Variants in ADGRB1 observed in about 807,000 individuals in gnomAD.
ADGRB1 encodes the protein brain-specific angiogenesis inhibitor 1.
In ADGRB1, 36 loss-of-function variants were observed where a neutral mutation model predicts 175.7. The ratio of observed to expected loss-of-function variants is 0.20; its 90% CI spans 0.16 to 0.27. ADGRB1 has a LOEUF of 0.27. ADGRB1 is among the 10% of genes least tolerant of loss of function. The pLI, the probability that ADGRB1 is intolerant of heterozygous loss-of-function variation, is 1.00. For synonymous variants in ADGRB1, 1,054 were observed against 979.4 expected, an observed-to-expected ratio of 1.08 and a Z score of -1.42; for missense variants, 1,731 against 2,255.3, an observed-to-expected ratio of 0.77 and a Z score of 4.71.
In ADGRB1 at chr8:142,464,682, C is replaced by T; in HGVS notation, c.484C>T (p.Pro162Ser). ...CGACGGGCTCCGGCCCCGGGCCGGG[C>T]CGCCGGGCCCCACCGACGACTTCTC... The part of the protein sequence containing the change: ...QHDGLRPRAG[P>S]PGPTDDFSVE... Residue 162 changes from proline to serine, a missense_variant, in exon 2 of 31, where the codon CCG (proline) becomes TCG (serine). Coordinates refer to ENST00000517894, the MANE Select transcript of ADGRB1 (RefSeq NM_001702.3). 2 of 1,525,964 alleles carry T rather than the reference C, an allele frequency of 1.3e-6. No homozygotes were observed. The highest frequency in any genetic ancestry group is 2.0e-5 in the Admixed American group (1 of 49,572). The allele number at this position is 1,525,964 out of a possible 1,614,324, so 94.5% of individuals were successfully genotyped here.
chr8:142,519,287 G>A (rs563405774), intron 19 of ADGRB1, among the ~76,000 whole-genome samples: 1 of 152,300 alleles, frequency 6.6e-6, no homozygotes, highest in East Asian at 1.9e-4. Context: ...GGCCATCCCT[G>A]TGCCCTATGA....
At position 142,511,986 on chromosome 8, in the gene ADGRB1, G is replaced by A. The variant is rs867844531; in HGVS notation, c.2817+913G>A. Reference sequence around the variant, plus strand: ...CATTGCTGGCCCTTGGGGAACCCCGGGTTCGATGTAGAAGGTAGCGCCTAG... The same window carrying A: ...CATTGCTGGCCCTTGGGGAACCCCGAGTTCGATGTAGAAGGTAGCGCCTAG... On this transcript the variant is annotated intron_variant, in intron 18 of 30. Transcript: ENST00000517894. The surrounding 1 kb of genome is among the most constrained non-coding windows in gnomAD (Gnocchi z 4.5). 6.6e-6 allele frequency among the ~76,000 whole-genome samples: 1 copy of A among 152,242 alleles called. No individual in the cohort carries two copies. Among genetic ancestry groups the A allele is most frequent in the South Asian group, 2.1e-4 (1 of 4,832 alleles).
At chr8:142,508,745 C>T (rs924600822) in intron 17 of ADGRB1, among the ~76,000 whole-genome samples, 2 of 152,244 alleles carry the variant, frequency 1.3e-5, no homozygotes, top group African/African-American at 2.4e-5. Flanking sequence ...TGAGCCTGAC[C>T]GTGCTGCAGG....
At position 142,479,685 on chromosome 8, in the gene ADGRB1, C is replaced by T; in HGVS notation, c.1727-8C>T. The T allele has an allele frequency of 6.2e-7, 1 of 1,612,244 alleles. No homozygotes were observed. The highest frequency in any genetic ancestry group is 8.5e-7 in the Non-Finnish European group (1 of 1,179,038). The stretch of plus-strand genomic sequence containing the variant: ...CTTCCTGAACCCCTGTCCCGGGCCC[C>T]TTGGCAGAGCCCCATGAGATCTGTG... On this transcript the variant is annotated splice_region_variant and splice_polypyrimidine_tract_variant and intron_variant, in intron 8 of 30. Coordinates refer to ENST00000517894, the MANE Select transcript of ADGRB1 (RefSeq NM_001702.3).
chr8:142,481,469 G>C (rs1841334477), intron 10 of ADGRB1, 48 bp from the exon 11 acceptor site: 18 of 1,578,632 alleles, frequency 1.1e-5, no homozygotes, highest in Non-Finnish European at 1.6e-5. Context: ...TGGCTGCCTG[G>C]ACATGTTCCA....
chr8:142,470,344 G>A lies in ADGRB1; in HGVS notation c.785-5130G>A, dbSNP rs57959767. Among the ~76,000 whole-genome samples the A allele has an allele frequency of 5.0e-3, 763 of 152,334 alleles. 8 individuals carry two copies. The highest frequency in any genetic ancestry group is 0.017 in the African/African-American group (722 of 41,572). ...ATTTTATTGCACGAGCGACATGGAA[G>A]ATCATGAAAAAGCAGCGTCCTGGGG... On this transcript the variant is annotated intron_variant, in intron 2 of 30. Transcript: ENST00000517894.
In ADGRB1 at chr8:142,543,324, G is replaced by T; in HGVS notation, c.4414-79G>T. Reference sequence around the variant, plus strand: ...GGCATGGGGCGAGTGAGTCCCTGATGCCCTCAGTCTGAGGCAGGGAGAGGC... The same window carrying T: ...GGCATGGGGCGAGTGAGTCCCTGATTCCCTCAGTCTGAGGCAGGGAGAGGC... On this transcript the variant is annotated intron_variant, in intron 28 of 30. Transcript: ENST00000517894. The surrounding 1 kb of genome is among the most constrained non-coding windows in gnomAD (Gnocchi z 4.4). 1 of 1,568,608 alleles carries T rather than the reference G, an allele frequency of 6.4e-7. No individual in the cohort carries two copies. Among genetic ancestry groups the T allele is most frequent in the Non-Finnish European group, 8.7e-7 (1 of 1,146,742 alleles).
chr8:142,511,100 G>C lies in ADGRB1; in HGVS notation c.2817+27G>C. 2 of 1,083,892 alleles carry C rather than the reference G, an allele frequency of 1.8e-6. No individual in the cohort carries two copies. The highest frequency in any genetic ancestry group is 2.2e-6 in the Non-Finnish European group (2 of 894,252). 67.1% of individuals were successfully genotyped at this position (1,083,892 alleles called of 1,614,324 possible). On this transcript the variant is annotated intron_variant, in intron 18 of 30. Transcript: ENST00000517894. The surrounding 1 kb of genome is among the most constrained non-coding windows in gnomAD (Gnocchi z 4.5). ...TGAGACCCCGGCCGGGCCGGCGGGA[G>C]GGGCGCCGGGCAGGGGCGCGGGCGG... is the stretch of plus-strand genomic sequence containing the variant.
intron 25 of ADGRB1, among the ~76,000 whole-genome samples, chr8:142,535,878 C>G (rs1479569818): frequency 1.3e-5 from 2 of 152,174 alleles, no homozygotes; most frequent in Admixed American, 1.3e-4. Context: ...GGCCTGGAGT[C>G]CTTAGCTGGT....
chr8:142,528,062 C>G (rs140401552), intron 24 of ADGRB1, among the ~76,000 whole-genome samples: 1 of 150,404 alleles, frequency 6.6e-6, no homozygotes, highest in African/African-American at 2.5e-5. Flanking sequence ...TCGCCGCCCA[C>G]GTAGACGGGA....
chr8:142,510,916 T>TGCCCC lies in ADGRB1; in HGVS notation c.2676-16_2676-15insGCCCC. On this transcript the variant is annotated splice_polypyrimidine_tract_variant and intron_variant, in intron 17 of 30. Coordinates refer to ENST00000517894, the MANE Select transcript of ADGRB1 (RefSeq NM_001702.3). The surrounding 1 kb of genome is among the most constrained non-coding windows in gnomAD (Gnocchi z 6.3). ...ACGCTCCGCCTGTCTCCCTCCCGTGTCCCGCCCGCCCCCAGACCCTCCTCC... is the reference window on the plus strand; with the variant it reads ...ACGCTCCGCCTGTCTCCCTCCCGTGTGCCCCCCCGCCCGCCCCCAGACCCTCCTCC... 3.7e-5 allele frequency: 36 copies of TGCCCC among 969,644 alleles called. No individual in the cohort carries two copies. The highest frequency in any genetic ancestry group is 4.8e-4 in the Middle Eastern group (1 of 2,086). 60.1% of individuals were successfully genotyped at this position (969,644 alleles called of 1,614,324 possible).
At chr8:142,520,413 GATA>G (rs1563735912) in intron 19 of ADGRB1, among the ~76,000 whole-genome samples, 73 of 102,060 alleles carry the variant, frequency 7.2e-4, no homozygotes, top group South Asian at 2.6e-3. Flanking sequence ...TGGTAATGGT[GATA>G]GTGGTAATGA....
rs541700434 is a variant in ADGRB1 at position 142,481,802 on chromosome 8, C to T, written c.2130+91C>T. On this transcript the variant is annotated intron_variant, in intron 11 of 30. Coordinates refer to ENST00000517894, the MANE Select transcript of ADGRB1 (RefSeq NM_001702.3). ...CTTAGAGATGGATCCCCAACCCTGG[C>T]CACAGCCCAGGCCCTAACCCATGTC... 2.3e-4 allele frequency: 266 copies of T among 1,156,450 alleles called. 4 individuals are homozygous for T. The African/African-American group carries it at 3.9e-3, about 17-fold the overall frequency. 71.6% of individuals were successfully genotyped at this position (1,156,450 alleles called of 1,614,324 possible).
rs984554172 is a variant in ADGRB1 at position 142,511,698 on chromosome 8, G to T, written c.2817+625G>T. ...CATCTGGGGTCAGCCGCTGGCAGGG[G>T]CCCTGGGTGCTGGGCGCAGCTCCCT... On this transcript the variant is annotated intron_variant, in intron 18 of 30. Transcript: ENST00000517894. This position sits in a 1 kb window ranked among gnomAD's most constrained non-coding sequence, Gnocchi z 4.5. Among the ~76,000 whole-genome samples the T allele has an allele frequency of 1.1e-4, 16 of 152,204 alleles. No homozygotes were observed. Among genetic ancestry groups the T allele is most frequent in the Non-Finnish European group, 1.5e-5 (1 of 68,028 alleles).
chr8:142,523,234 C>T (rs945439505), intron 22 of ADGRB1, among the ~76,000 whole-genome samples: 7 of 152,068 alleles, frequency 4.6e-5, no homozygotes, highest in African/African-American at 1.7e-4. Flanking sequence ...TGGGGTCATC[C>T]TAGAGGCAGT....
intron 25 of ADGRB1, among the ~76,000 whole-genome samples, chr8:142,536,686 TTCTCGCAGGC>T (rs1290807961): frequency 6.6e-6 from 1 of 151,564 alleles, no homozygotes; most frequent in Non-Finnish European, 1.5e-5. Flanking sequence ...TCAGGGCAGG[TTCTCGCAGGC>T]GGACTCTGGC....
chr8:142,544,428 G>A lies in ADGRB1; in HGVS notation c.*11G>A, dbSNP rs367595830. 6 of 1,466,294 alleles carry A rather than the reference G, an allele frequency of 4.1e-6. No homozygotes were observed. Among genetic ancestry groups the A allele is most frequent in the East Asian group, 2.5e-5 (1 of 39,808 alleles). 90.8% of individuals were successfully genotyped at this position (1,466,294 alleles called of 1,614,324 possible). ...CAGACCGAGGTCTGAGCGGGTGGGC[G>A]GCGGCCACGCACTGGGCCACGGAGG... On this transcript the variant is annotated 3_prime_UTR_variant, in exon 31 of 31. Transcript: ENST00000517894.
chr8:142,521,291 T>A (rs1843832352), intron 20 of ADGRB1, among the ~76,000 whole-genome samples: 1 of 151,926 alleles, frequency 6.6e-6, no homozygotes, highest in Admixed American at 6.6e-5. Flanking sequence ...TGACAGAGGC[T>A]CCCACGGTCC....
intron 24 of ADGRB1, among the ~76,000 whole-genome samples, chr8:142,529,276 G>T (rs1433184532): frequency 6.6e-6 from 1 of 152,166 alleles, no homozygotes; most frequent in Non-Finnish European, 1.5e-5. Flanking sequence ...GTATGAGTGT[G>T]CATATGTGAG....
Sources: allele counts gnomAD v4.1 joint callset (sites outside exome capture counted in the v4.1 genomes callset), GRCh38; gene constraint gnomAD v4.1.1; non-coding constraint Gnocchi (gnomAD v3.1); transcripts MANE v1.5; gene names NCBI Gene and HGNC (gene_info 2026-07-23, HGNC 2026-07-21).